The following CCDC60 variants were observed in gnomAD, a reference collection of about 807,000 sequenced individuals.
CCDC60 encodes coiled-coil domain containing 60, also known as coiled-coil domain-containing protein 60.
A neutral mutation model predicts 63.5 loss-of-function variants in CCDC60; 54 were observed. The ratio of observed to expected loss-of-function variants is 0.85; its 90% CI spans 0.68 to 1.07. The LOEUF is 1.07. CCDC60 is among the 50% of genes least tolerant of loss of function. The pLI is 0.00. For missense variants in CCDC60, 651 were observed against 684.3 expected, an observed-to-expected ratio of 0.95 and a Z score of 0.54; for synonymous variants, 206 against 238.8, an observed-to-expected ratio of 0.86 and a Z score of 1.27.
intron 1 of CCDC60, among the ~76,000 whole-genome samples, chr12:119,344,231 C>G (rs1252185341): frequency 6.6e-6 from 1 of 152,144 alleles, no homozygotes; most frequent in Admixed American, 6.5e-5. Flanking sequence ...CGAAAAACAT[C>G]TCAGTATTGC....
At chr12:119,507,595 T>C (rs866849949) in intron 7 of CCDC60, among the ~76,000 whole-genome samples, 1 of 19,482 alleles carries the variant, frequency 5.1e-5, no homozygotes, top group Non-Finnish European at 7.7e-5. Context: ...TATATACATA[T>C]ATATATATAT....
chr12:119,357,056 A>C (rs762549435), intron 1 of CCDC60, among the ~76,000 whole-genome samples: 27 of 152,182 alleles, frequency 1.8e-4, no homozygotes, highest in Non-Finnish European at 3.2e-4. Context: ...CCTCTCCAAA[A>C]CTCATGTTGA....
chr12:119,367,122 C>T (rs991888076), intron 1 of CCDC60, among the ~76,000 whole-genome samples: 9 of 152,254 alleles, frequency 5.9e-5, no homozygotes, highest in East Asian at 3.9e-4. Context: ...CGTGAGCCAC[C>T]GCACCTGGCC....
chr12:119,443,317 CTTT>C (rs991577896), intron 2 of CCDC60, among the ~76,000 whole-genome samples: 2 of 152,166 alleles, frequency 1.3e-5, no homozygotes. Flanking sequence ...TTGAATACTT[CTTT>C]GTCTGGGTCT....
At chr12:119,392,960 C>G (rs931621872) in intron 1 of CCDC60, among the ~76,000 whole-genome samples, 2 of 152,092 alleles carry the variant, frequency 1.3e-5, no homozygotes, top group Non-Finnish European at 2.9e-5. Context: ...TTTGAGACCA[C>G]CCTGGGCAAC....
Position 119,503,506 on chromosome 12 carries a change from A to T in CCDC60, c.649-1563A>T, listed in dbSNP as rs1365389961. Among the ~76,000 whole-genome samples, 4 of 152,232 alleles carry T rather than the reference A, an allele frequency of 2.6e-5. No individual in the cohort carries two copies. In the East Asian group the frequency reaches 7.7e-4, roughly 29 times the overall value. On this transcript the variant is annotated intron_variant, in intron 6 of 13. Coordinates refer to ENST00000327554, the MANE Select transcript of CCDC60 (RefSeq NM_178499.5). Reference sequence around the variant, plus strand: ...GCCTCTTGAAGATCTGGTTAAATCCAGTTCAAATTCCATTTCTCCAGTCTA... The same window carrying T: ...GCCTCTTGAAGATCTGGTTAAATCCTGTTCAAATTCCATTTCTCCAGTCTA...
chr12:119,517,849 C>T (rs936122837), intron 8 of CCDC60, among the ~76,000 whole-genome samples: 4 of 152,178 alleles, frequency 2.6e-5, no homozygotes, highest in Non-Finnish European at 5.9e-5. Context: ...AAGCCTCGTC[C>T]ACAGACTTCT....
intron 1 of CCDC60, among the ~76,000 whole-genome samples, chr12:119,374,584 G>A (rs75160958): frequency 0.059 from 9,016 of 152,198 alleles, 316 homozygotes; most frequent in Non-Finnish European, 0.071. Context: ...TTCTTGGACC[G>A]CACATAAGAA....
At chr12:119,518,164 A>G (rs1328940205) in intron 8 of CCDC60, among the ~76,000 whole-genome samples, 1 of 152,176 alleles carries the variant, frequency 6.6e-6, no homozygotes, top group Non-Finnish European at 1.5e-5. Flanking sequence ...AGGCACTCAG[A>G]GACAATGCTG....
chr12:119,478,207 C>T (rs574786251), intron 3 of CCDC60, among the ~76,000 whole-genome samples: 192 of 152,064 alleles, frequency 1.3e-3, no homozygotes, highest in Admixed American at 3.9e-3. Flanking sequence ...CCCAGCTACT[C>T]GGGAGGCTGA....
intron 2 of CCDC60, among the ~76,000 whole-genome samples, chr12:119,433,910 G>C (rs1593081382): frequency 6.6e-6 from 1 of 152,324 alleles, no homozygotes; most frequent in Middle Eastern, 3.4e-3. Context: ...ATTTCTAGCG[G>C]AAGTTGACAA....
chr12:119,434,199 C>A (rs2136243497), intron 2 of CCDC60, among the ~76,000 whole-genome samples: 1 of 152,248 alleles, frequency 6.6e-6, no homozygotes, highest in African/African-American at 2.4e-5. Context: ...CTTTGCTTTC[C>A]AGCTGTGTTT....
intron 4 of CCDC60, among the ~76,000 whole-genome samples, chr12:119,487,373 C>T (rs1951474207): frequency 6.6e-6 from 1 of 151,836 alleles, no homozygotes; most frequent in Admixed American, 6.6e-5. Flanking sequence ...TCTCGGCTCA[C>T]TGCCACCTCC....
chr12:119,503,989 C>T (rs1381978218), intron 6 of CCDC60, among the ~76,000 whole-genome samples: 1 of 152,154 alleles, frequency 6.6e-6, no homozygotes, highest in Non-Finnish European at 1.5e-5. Context: ...TGAATATAAA[C>T]TATAGCCCAC....
Position 119,484,320 on chromosome 12 carries a change from A to G in CCDC60, c.450-4439A>G, listed in dbSNP as rs115243483. On this transcript the variant is annotated intron_variant, in intron 4 of 13. Transcript: ENST00000327554. The stretch of plus-strand genomic sequence containing the variant: ...TTAGAACAGTGGTCTGGCATAGAGT[A>G]AGGACTCTTATGGGAAATATTTACC... Among the ~76,000 whole-genome samples, 176 of 152,308 alleles carry G rather than the reference A, an allele frequency of 1.2e-3. 2 individuals carry two copies. The highest frequency in any genetic ancestry group is 4.1e-3 in the African/African-American group (172 of 41,572).
chr12:119,405,692 C>A (rs1054107487), intron 1 of CCDC60, among the ~76,000 whole-genome samples: 1 of 152,174 alleles, frequency 6.6e-6, no homozygotes, highest in African/African-American at 2.4e-5. Flanking sequence ...TCCAATGACC[C>A]GTGCCTCTAA....
chr12:119,335,212 T>G lies in CCDC60; in HGVS notation c.36T>G (p.Ser12Arg), dbSNP rs2136136238. Reference sequence around the variant, plus strand: ...TTCCAGCCACCAAGAAGCTTCAGAGTTCCCCCAACTCGGGGGCTGTCCGGC... The same window carrying G: ...TTCCAGCCACCAAGAAGCTTCAGAGGTCCCCCAACTCGGGGGCTGTCCGGC... The part of the protein sequence containing the change: ...TKVPATKKLQ[S>R]SPNSGAVRPF... The change falls in exon 1 of 14, where the codon AGT becomes AGG. Residue 12 changes from serine (S) to arginine (R), a missense_variant. Transcript: ENST00000327554. The G allele has an allele frequency of 1.2e-6, 2 of 1,605,646 alleles. No homozygotes were observed. The highest frequency in any genetic ancestry group is 2.3e-5 in the East Asian group (1 of 44,216).
intron 13 of CCDC60, among the ~76,000 whole-genome samples, chr12:119,533,363 T>C (rs1952911493): frequency 6.6e-6 from 1 of 152,244 alleles, no homozygotes; most frequent in African/African-American, 2.4e-5. Context: ...TCCCATTCTG[T>C]AGGTTGCCTG....
At chr12:119,374,654 A>T (rs1771922104) in intron 1 of CCDC60, among the ~76,000 whole-genome samples, 1 of 151,686 alleles carries the variant, frequency 6.6e-6, no homozygotes, top group South Asian at 2.1e-4. Flanking sequence ...AAGTAAAGAA[A>T]CAAAAGAATG....
Sources: gnomAD v4.1 joint callset for allele counts (sites outside exome capture counted in the v4.1 genomes callset) on GRCh38, gnomAD v4.1.1 for gene constraint, MANE v1.5 for transcripts, NCBI Gene and HGNC (gene_info 2026-07-23, HGNC 2026-07-21) for gene names.